The following TRIOBP variants were observed in gnomAD, a reference collection of about 807,000 sequenced individuals.
The protein encoded by TRIOBP is TRIO and F-actin-binding protein.
In TRIOBP, 169 loss-of-function variants were observed where a neutral mutation model predicts 238.8. The ratio of observed to expected loss-of-function variants is 0.71; its 90% CI spans 0.62 to 0.80. The LOEUF is 0.80. TRIOBP is among the 30% of genes least tolerant of loss of function. The pLI, the probability that TRIOBP is intolerant of heterozygous loss-of-function variation, is 0.00. For synonymous variants in TRIOBP, 1,150 were observed against 1,274.4 expected, an observed-to-expected ratio of 0.90 and a Z score of 2.08; for missense variants, 2,838 against 3,122.6, an observed-to-expected ratio of 0.91 and a Z score of 2.17.
chr22:37,757,869 C>G lies in TRIOBP; in HGVS notation c.5944C>G (p.Arg1982Gly). 6.4e-7 allele frequency: 1 copy of G among 1,552,682 alleles called. No homozygotes were observed. The highest frequency in any genetic ancestry group is 1.2e-5 in the South Asian group (1 of 84,298). The change falls in exon 16 of 24, where the codon CGC becomes GGC. Residue 1982 changes from arginine to glycine, a missense_variant. Physicochemically the swap from Arg to Gly is moderately radical, Grantham distance 125. This residue lies in a region of TRIOBP where 2,096 missense variants were observed against 2,137.4 expected (regional missense o/e 0.98). Coordinates refer to ENST00000644935, the MANE Select transcript of TRIOBP (RefSeq NM_001039141.3). ...GGAGCTGGAGCGGGACCTGGCCCAG[C>G]GCTCCGAGGAGCGGCGCAAGTGGTT... is the stretch of plus-strand genomic sequence containing the variant. Reference protein sequence around the residue: ...QEELERDLAQRSEERRKWFEA... With the variant: ...QEELERDLAQGSEERRKWFEA...
chr22:37,715,739 C>T (rs1178591383), intron 5 of TRIOBP, 24 bp from the exon 6 acceptor site: 3 of 1,612,578 alleles, frequency 1.9e-6, no homozygotes, highest in Non-Finnish European at 8.5e-7. Flanking sequence ...CGCAAACATA[C>T]TTTCTCCTCC....
chr22:37,720,389 C>T (rs528469611), intron 6 of TRIOBP, among the ~76,000 whole-genome samples: 1 of 152,236 alleles, frequency 6.6e-6, no homozygotes, highest in Admixed American at 6.5e-5. Context: ...TATCCTTTTT[C>T]TGTTCCAGGA....
At chr22:37,699,173 G>A (rs73409443) in intron 2 of TRIOBP, among the ~76,000 whole-genome samples, 8,923 of 152,092 alleles carry the variant, frequency 0.059, 340 homozygotes, top group South Asian at 0.1. Flanking sequence ...AAAACAAAAC[G>A]AAAACACATT....
intron 11 of TRIOBP, chr22:37,750,915 ATAGG>A (rs980098297): frequency 5.3e-6 from 2 of 376,824 alleles, no homozygotes; most frequent in Non-Finnish European, 1.1e-5. Flanking sequence ...GTAGGGGCTG[ATAGG>A]TAGGCTCAGA....
chr22:37,764,092 G>T (rs1302812254), intron 17 of TRIOBP, among the ~76,000 whole-genome samples: 1 of 152,170 alleles, frequency 6.6e-6, no homozygotes, highest in African/African-American at 2.4e-5. Flanking sequence ...AAGGACCCTT[G>T]TGATTACACT....
intron 18 of TRIOBP, among the ~76,000 whole-genome samples, chr22:37,767,113 C>T (rs1926537364): frequency 1.3e-5 from 2 of 151,182 alleles, no homozygotes; most frequent in South Asian, 2.1e-4. Flanking sequence ...TAGCCATGCG[C>T]GGTGGCAGGC....
chr22:37,722,978 C>G (rs1242141574), intron 6 of TRIOBP, among the ~76,000 whole-genome samples: 1 of 152,198 alleles, frequency 6.6e-6, no homozygotes, highest in Non-Finnish European at 1.5e-5. Flanking sequence ...ATTTCAAATT[C>G]TTGACCTCAG....
chr22:37,726,581 A>G, intron 7 of TRIOBP, 78 bp downstream of exon 7: 2 of 1,348,420 alleles, frequency 1.5e-6, no homozygotes, highest in South Asian at 1.6e-5. Flanking sequence ...TTAGGGTGCC[A>G]AAAGAAAGTG....
intron 11 of TRIOBP, among the ~76,000 whole-genome samples, chr22:37,746,583 G>A (rs889294395): frequency 6.6e-6 from 1 of 152,224 alleles, no homozygotes; most frequent in African/African-American, 2.4e-5. Context: ...CTTTCGGCCA[G>A]ACCGGCCTCA....
At chr22:37,765,582 C>T (rs1415769465) in intron 17 of TRIOBP, 88 bp from the exon 18 acceptor site, 1 of 1,527,214 alleles carries the variant, frequency 6.5e-7, no homozygotes, top group Non-Finnish European at 8.8e-7. Flanking sequence ...GGTGTACCTG[C>T]CCCTGAGCCT....
At position 37,725,299 on chromosome 22, in the gene TRIOBP, C is replaced by CA. The variant is rs1392485104; in HGVS notation, c.2744dup (p.Ser916GlufsTer2). On this transcript the variant is annotated frameshift_variant, in exon 7 of 24. Transcript: ENST00000644935. LOFTEE classifies it high-confidence loss of function. The stretch of plus-strand genomic sequence containing the variant: ...GGCCTCGTTTCCCCTCCGGCCAACT[C>CA]AGAGTGATGGTCCCCGAACCTCTTC... 6.2e-7 allele frequency: 1 copy of CA among 1,613,944 alleles called. No individual in the cohort carries two copies. Among genetic ancestry groups the CA allele is most frequent in the South Asian group, 1.1e-5 (1 of 91,082 alleles).
intron 13 of TRIOBP, 26 bp downstream of exon 13, chr22:37,755,010 C>A: frequency 3.1e-6 from 5 of 1,612,610 alleles, no homozygotes; most frequent in Non-Finnish European, 4.2e-6. Flanking sequence ...TACTGATGAA[C>A]CCCCGGAAGG....
intron 7 of TRIOBP, among the ~76,000 whole-genome samples, chr22:37,728,912 C>G (rs1924300054): frequency 6.6e-6 from 1 of 151,984 alleles, no homozygotes; most frequent in Admixed American, 6.6e-5. Context: ...TCTTCAGTGT[C>G]TTTAACTTTT....
intron 11 of TRIOBP, among the ~76,000 whole-genome samples, chr22:37,743,801 ATGTGTGTGTG>A (rs71195050): frequency 0.052 from 5,965 of 114,154 alleles, 370 homozygotes; most frequent in African/African-American, 0.16. Flanking sequence ...GAGAGAGAGA[ATGTGTGTGTG>A]TGTGTGTGTG....
intron 9 of TRIOBP, among the ~76,000 whole-genome samples, chr22:37,736,904 G>A (rs1397732616): frequency 6.6e-6 from 1 of 152,218 alleles, no homozygotes; most frequent in East Asian, 1.9e-4. Flanking sequence ...CGGGATTACA[G>A]GTGCGAGCCA....
chr22:37,751,099 C>T, intron 11 of TRIOBP: 1 of 432,910 alleles, frequency 2.3e-6, no homozygotes, highest in Non-Finnish European at 4.7e-6. Context: ...ACTTCTTTAT[C>T]TAGGCCTGGG....
In TRIOBP at chr22:37,734,775, C is replaced by T. The variant is rs1451813142; in HGVS notation, c.4439C>T (p.Thr1480Ile). ...AKAPEGAWGG[T>I]SREYKESWGQ... The stretch of plus-strand genomic sequence containing the variant: ...GCCCCGGAGGGAGCATGGGGGGGCA[C>T]TTCCAGGGAGTACAAGGAGAGCTGG... The change falls in exon 9 of 24, where the codon ACT becomes ATT. Residue 1480 changes from threonine to isoleucine, a missense_variant. Around this residue, in one of 5 missense-constraint regions of TRIOBP, gnomAD observed 2,096 missense variants for 2,137.4 expected, o/e 0.98. Coordinates refer to ENST00000644935, the MANE Select transcript of TRIOBP (RefSeq NM_001039141.3). 4.3e-6 allele frequency: 7 copies of T among 1,611,968 alleles called. No individual in the cohort carries two copies. Among genetic ancestry groups the T allele is most frequent in the South Asian group, 1.1e-5 (1 of 91,054 alleles).
chr22:37,771,624 G>T, intron 21 of TRIOBP, 26 bp from the exon 22 acceptor site: 1 of 1,610,242 alleles, frequency 6.2e-7, no homozygotes, highest in Non-Finnish European at 8.5e-7. Context: ...TCTGGCCCTG[G>T]GTCAGTCCAG....
chr22:37,759,423 G>C, intron 17 of TRIOBP, 159 bp downstream of exon 17: 1 of 1,331,850 alleles, frequency 7.5e-7, no homozygotes, highest in Non-Finnish European at 1.1e-6. Flanking sequence ...ACAGCTGGTG[G>C]GCGTGATCAC....
Sources: allele counts gnomAD v4.1 joint callset (sites outside exome capture counted in the v4.1 genomes callset), GRCh38; gene constraint gnomAD v4.1.1; regional missense constraint gnomAD v4.1.1; transcripts MANE v1.5; gene names NCBI Gene and HGNC (gene_info 2026-07-23, HGNC 2026-07-21).